The following NHSL2 variants were observed in gnomAD, a reference collection of about 807,000 sequenced individuals.
NHSL2 encodes NHS like 2.
A neutral mutation model predicts 53.4 loss-of-function variants in NHSL2; 27 were observed. The observed-to-expected ratio is 0.51, with a 90% CI of 0.37 to 0.70. NHSL2 has a LOEUF of 0.70. Ranked by LOEUF, NHSL2 falls within the 30% of genes least tolerant of loss-of-function variation. The pLI is 0.00. For missense variants in NHSL2, 892 were observed against 980.1 expected (o/e 0.91, Z 1.20); for synonymous variants, 408 against 404.1 (o/e 1.01, Z -0.12).
chrX:72,101,078 G>A (rs2147461551), intron 1 of NHSL2, among the ~76,000 whole-genome samples: 1 of 107,576 alleles, frequency 9.3e-6, no homozygotes, highest in African/African-American at 3.4e-5. Flanking sequence ...TGTGGCAACG[G>A]GGCTCTGAGG....
chrX:72,116,050 C>T (rs950640603), intron 1 of NHSL2, among the ~76,000 whole-genome samples: 1 of 111,563 alleles, frequency 9.0e-6, no homozygotes, highest in Non-Finnish European at 1.9e-5. Context: ...TGAGTGCAAA[C>T]TCTAGTACCA....
chrX:72,073,295 G>T (rs184661466), intron 1 of NHSL2, among the ~76,000 whole-genome samples: 1 of 110,721 alleles, frequency 9.0e-6, no homozygotes, highest in Non-Finnish European at 1.9e-5. Context: ...GTCGCAGCAC[G>T]TGGAAGCCCA....
chrX:71,941,089 T>C (rs975722960), intron 1 of NHSL2, among the ~76,000 whole-genome samples: 17 of 111,892 alleles, frequency 1.5e-4, no homozygotes, highest in African/African-American at 4.9e-4. Context: ...GAAGCTTCTG[T>C]TTCTGCTGCT....
chrX:72,057,758 A>G (rs1371712495), intron 1 of NHSL2, among the ~76,000 whole-genome samples: 1 of 111,863 alleles, frequency 8.9e-6, no homozygotes, highest in Non-Finnish European at 1.9e-5. Flanking sequence ...TGCCTTTTTC[A>G]TGAGGTTGAT....
chrX:71,919,153 AC>A (rs1211878430), intron 1 of NHSL2, among the ~76,000 whole-genome samples: 1 of 112,035 alleles, frequency 8.9e-6, no homozygotes, highest in African/African-American at 3.2e-5. Flanking sequence ...TCCCCAATCA[AC>A]ATCTATTACT....
At chrX:72,071,872 A>G (rs1228430245) in intron 1 of NHSL2, among the ~76,000 whole-genome samples, 2 of 112,080 alleles carry the variant, frequency 1.8e-5, no homozygotes, top group East Asian at 5.5e-4. Context: ...TTCAAAAAGT[A>G]TTCATTTTCG....
intron 1 of NHSL2, among the ~76,000 whole-genome samples, chrX:72,039,009 G>C (rs2042256400): frequency 9.0e-6 from 1 of 110,576 alleles, no homozygotes. Context: ...TTAGTTGAAG[G>C]ACCTTTTCTC....
At chrX:72,002,167 C>T (rs1036780098) in intron 1 of NHSL2, among the ~76,000 whole-genome samples, 91 of 111,807 alleles carry the variant, frequency 8.1e-4, no homozygotes, top group African/African-American at 2.6e-3. Flanking sequence ...GCAGCTTCCA[C>T]TTTAGATGGA....
intron 1 of NHSL2, chrX:72,069,819 C>T (rs924589086): frequency 4.9e-6 from 3 of 609,036 alleles, no homozygotes; most frequent in Admixed American, 6.0e-5. Flanking sequence ...TGCTGCCATG[C>T]GGGGCCCCTG....
At chrX:72,089,346 A>G (rs2041877119) in intron 1 of NHSL2, among the ~76,000 whole-genome samples, 1 of 111,842 alleles carries the variant, frequency 8.9e-6, no homozygotes, top group African/African-American at 3.3e-5. Context: ...TTAACTAGCA[A>G]TACAAGATAG....
chrX:71,952,403 A>T (rs1323178676), intron 1 of NHSL2, among the ~76,000 whole-genome samples: 2 of 112,151 alleles, frequency 1.8e-5, no homozygotes, highest in African/African-American at 6.5e-5. Flanking sequence ...GGGCAGCTAT[A>T]ACAAAATGCC....
At chrX:71,917,637 G>C (rs2041635335) in intron 1 of NHSL2, among the ~76,000 whole-genome samples, 1 of 110,821 alleles carries the variant, frequency 9.0e-6, no homozygotes, top group South Asian at 3.9e-4. Flanking sequence ...GGGCAAGGCA[G>C]AGGAGGCACA....
Position 72,055,103 on chromosome X carries a change from C to T in NHSL2, c.281-76976C>T, listed in dbSNP as rs780692902. ...AACTAACTTCAAGTATTGGAGGCTA[C>T]CTAGATGTCACTCCATTTCCAGTGT... On this transcript the variant is annotated intron_variant, in intron 1 of 7. Transcript: ENST00000633930. 1.9e-3 allele frequency among the ~76,000 whole-genome samples: 210 copies of T among 111,808 alleles called. 1 individual carries two copies. The highest frequency in any genetic ancestry group is 6.5e-3 in the African/African-American group (199 of 30,741).
chrX:72,106,881 C>T (rs1354827893), intron 1 of NHSL2, among the ~76,000 whole-genome samples: 1 of 106,020 alleles, frequency 9.4e-6, no homozygotes, highest in Non-Finnish European at 1.9e-5. Flanking sequence ...CCAAACACTG[C>T]ATGTTCTCAC....
intron 1 of NHSL2, among the ~76,000 whole-genome samples, chrX:71,989,235 G>C (rs1465887006): frequency 8.4e-5 from 9 of 106,956 alleles, no homozygotes; most frequent in African/African-American, 3.1e-4. Flanking sequence ...TATAGTGCCA[G>C]CTACTCGGGA....
intron 1 of NHSL2, among the ~76,000 whole-genome samples, chrX:72,008,486 G>A (rs1375150615): frequency 8.9e-6 from 1 of 111,900 alleles, no homozygotes; most frequent in Non-Finnish European, 1.9e-5. Context: ...CTTTGGGGTG[G>A]GGTAAGTTGG....
chrX:72,084,964 G>A (rs767430748), intron 1 of NHSL2, among the ~76,000 whole-genome samples: 9 of 112,155 alleles, frequency 8.0e-5, no homozygotes, highest in Non-Finnish European at 1.3e-4. Flanking sequence ...ATATAAAAAG[G>A]GACTATTCCA....
At chrX:72,130,402 T>C in intron 1 of NHSL2, 2 of 1,174,338 alleles carry the variant, frequency 1.7e-6, no homozygotes, top group Non-Finnish European at 2.3e-6. Flanking sequence ...CTTCTTCATC[T>C]CCTCCTCCTC....
chrX:72,044,127 C>T (rs1360032858), intron 1 of NHSL2, among the ~76,000 whole-genome samples: 3 of 111,665 alleles, frequency 2.7e-5, no homozygotes, highest in African/African-American at 9.8e-5. Flanking sequence ...AAACACAGGT[C>T]AATGTTAAGC....
Sources: gnomAD v4.1 joint callset for allele counts (sites outside exome capture counted in the v4.1 genomes callset) on GRCh38, gnomAD v4.1.1 for gene constraint, MANE v1.5 for transcripts, NCBI Gene and HGNC (gene_info 2026-07-23, HGNC 2026-07-21) for gene names.